The following PPP1R9A variants were observed in gnomAD, a reference collection of about 807,000 sequenced individuals.
PPP1R9A encodes neurabin-1.
Under a neutral mutation model 141.9 loss-of-function variants are expected in PPP1R9A, and 59 were observed. The observed-to-expected ratio is 0.42, with a 90% CI of 0.34 to 0.52. The LOEUF (loss-of-function observed/expected upper bound fraction) is 0.52, where lower values mean the gene tolerates loss of function less well. Ranked by LOEUF, PPP1R9A falls within the 20% of genes least tolerant of loss-of-function variation. The pLI, the probability that PPP1R9A is intolerant of heterozygous loss-of-function variation, is 0.10. For synonymous variants in PPP1R9A, 500 were observed against 569.7 expected, an observed-to-expected ratio of 0.88 and a Z score of 1.74; for missense variants, 1,444 against 1,611.9, an observed-to-expected ratio of 0.90 and a Z score of 1.78.
At chr7:94,991,290 T>G (rs1801474451) in intron 2 of PPP1R9A, among the ~76,000 whole-genome samples, 1 of 152,182 alleles carries the variant, frequency 6.6e-6, no homozygotes, top group South Asian at 2.1e-4. Context: ...TGTTGAGCAT[T>G]TTTTCCTAAA....
intron 2 of PPP1R9A, among the ~76,000 whole-genome samples, chr7:95,095,087 A>G (rs565016497): frequency 6.6e-6 from 1 of 152,064 alleles, no homozygotes; most frequent in African/African-American, 2.4e-5. Context: ...GGGGTACTTT[A>G]AATCTGAGGT....
At chr7:95,139,115 T>A (rs192130170) in intron 4 of PPP1R9A, among the ~76,000 whole-genome samples, 1 of 152,310 alleles carries the variant, frequency 6.6e-6, no homozygotes, top group African/African-American at 2.4e-5. Context: ...CTCACACTGC[T>A]ATGAAGAAAT....
intron 12 of PPP1R9A, among the ~76,000 whole-genome samples, chr7:95,266,766 T>C (rs904538757): frequency 1.6e-4 from 25 of 152,232 alleles, no homozygotes; most frequent in Non-Finnish European, 3.1e-4. Flanking sequence ...CATACAGTGT[T>C]TCTAATTATA....
chr7:95,002,743 G>C (rs763042701), intron 2 of PPP1R9A, among the ~76,000 whole-genome samples: 38 of 152,200 alleles, frequency 2.5e-4, no homozygotes, highest in Non-Finnish European at 4.9e-4. Flanking sequence ...GCTGAGATTA[G>C]TTAATTGGAT....
chr7:95,268,434 G>T (rs1264609667), intron 12 of PPP1R9A, 116 bp from the exon 13 acceptor site: 3 of 1,126,632 alleles, frequency 2.7e-6, no homozygotes, highest in Non-Finnish European at 3.8e-6. Flanking sequence ...TGTCATGGTG[G>T]TCACCTGATC....
intron 2 of PPP1R9A, among the ~76,000 whole-genome samples, chr7:95,081,726 G>A (rs138684948): frequency 6.6e-6 from 1 of 152,274 alleles, no homozygotes; most frequent in African/African-American, 2.4e-5. Context: ...CTTCATAAAA[G>A]CAATACTGGC....
chr7:95,163,461 G>T (rs1182194941), intron 5 of PPP1R9A, among the ~76,000 whole-genome samples: 3 of 152,198 alleles, frequency 2.0e-5, no homozygotes, highest in Non-Finnish European at 4.4e-5. Context: ...AGTACAGGTT[G>T]AGTATCCCTT....
At chr7:95,052,813 A>G (rs768845971) in intron 2 of PPP1R9A, among the ~76,000 whole-genome samples, 21 of 152,134 alleles carry the variant, frequency 1.4e-4, no homozygotes, top group Non-Finnish European at 2.8e-4. Context: ...GTCATTTTCA[A>G]TGTTCTGTTT....
At chr7:95,192,054 T>A (rs1282764874) in intron 5 of PPP1R9A, among the ~76,000 whole-genome samples, 1 of 152,084 alleles carries the variant, frequency 6.6e-6, no homozygotes, top group African/African-American at 2.4e-5. Context: ...TATATAGATT[T>A]ATACTTTAAT....
At chr7:95,025,877 C>T (rs1554471169) in intron 2 of PPP1R9A, among the ~76,000 whole-genome samples, 1 of 152,142 alleles carries the variant, frequency 6.6e-6, no homozygotes, top group Non-Finnish European at 1.5e-5. Flanking sequence ...GCTATTGATA[C>T]TTGTGTATAA....
intron 2 of PPP1R9A, among the ~76,000 whole-genome samples, chr7:95,075,620 T>C (rs1466356376): frequency 6.6e-6 from 1 of 151,756 alleles, no homozygotes; most frequent in Non-Finnish European, 1.5e-5. Context: ...CGGATCACAA[T>C]GTCAGGGGAT....
At chr7:95,247,612 T>A in intron 9 of PPP1R9A, 86 bp downstream of exon 9, 2 of 1,150,040 alleles carry the variant, frequency 1.7e-6, no homozygotes, top group Non-Finnish European at 2.5e-6. Flanking sequence ...AAAGGTTTTG[T>A]CCCTGTATAT....
intron 4 of PPP1R9A, among the ~76,000 whole-genome samples, chr7:95,151,045 C>A (rs1345369156): frequency 6.6e-6 from 1 of 152,196 alleles, no homozygotes; most frequent in African/African-American, 2.4e-5. Context: ...TAAGGTGTCT[C>A]ATTCATTGCT....
chr7:94,957,348 C>T (rs1797178592), intron 2 of PPP1R9A, among the ~76,000 whole-genome samples: 1 of 151,968 alleles, frequency 6.6e-6, no homozygotes, highest in Non-Finnish European at 1.5e-5. Context: ...TTTCTGAGTT[C>T]AATCCTGTTA....
chr7:95,056,869 A>G (rs933319315), intron 2 of PPP1R9A, among the ~76,000 whole-genome samples: 4 of 152,118 alleles, frequency 2.6e-5, no homozygotes, highest in South Asian at 2.1e-4. Flanking sequence ...TTATGTTTGG[A>G]CATTAATTAT....
intron 2 of PPP1R9A, among the ~76,000 whole-genome samples, chr7:95,088,532 A>G (rs960230602): frequency 1.3e-5 from 2 of 152,124 alleles, no homozygotes; most frequent in East Asian, 1.9e-4. Context: ...TGTTAACTGA[A>G]TATTGTTTTG....
intron 8 of PPP1R9A, among the ~76,000 whole-genome samples, chr7:95,237,703 G>C (rs58602684): frequency 6.6e-6 from 1 of 151,872 alleles, no homozygotes; most frequent in Non-Finnish European, 1.5e-5. Flanking sequence ...CATATATGTT[G>C]AGGATTATTA....
chr7:95,057,268 T>G (rs1811627665), intron 2 of PPP1R9A, among the ~76,000 whole-genome samples: 1 of 152,118 alleles, frequency 6.6e-6, no homozygotes, highest in Non-Finnish European at 1.5e-5. Flanking sequence ...AAATTGTAGT[T>G]CTATGAACTT....
At position 95,106,061 on chromosome 7, in the gene PPP1R9A, C is replaced by T. The variant is rs142541430; in HGVS notation, c.1396-5198C>T. On this transcript the variant is annotated intron_variant, in intron 2 of 19. Coordinates refer to ENST00000433360, the MANE Select transcript of PPP1R9A (RefSeq NM_001166160.2). ...TTTGAGGCCAAGAGATCAAGACCAG[C>T]CTGTGCAATATGGTGAGACCCCAAT... 3.9e-3 allele frequency among the ~76,000 whole-genome samples: 600 copies of T among 152,130 alleles called. 23 individuals carry two copies. Among genetic ancestry groups the T allele is most frequent in the East Asian group, 0.038 (194 of 5,166 alleles).
Sources: gnomAD v4.1 joint callset for allele counts (sites outside exome capture counted in the v4.1 genomes callset) on GRCh38, gnomAD v4.1.1 for gene constraint, MANE v1.5 for transcripts, NCBI Gene and HGNC (gene_info 2026-07-23, HGNC 2026-07-21) for gene names.